The following MFSD2A variants were observed in gnomAD, a reference collection of about 807,000 sequenced individuals.
MFSD2A encodes the protein sodium-dependent lysophosphatidylcholine symporter 1.
In MFSD2A, 27 loss-of-function variants were observed where a neutral mutation model predicts 64.7. The ratio of observed to expected loss-of-function variants is 0.42; its 90% CI spans 0.31 to 0.58. The LOEUF is 0.58. Among genes scored for constraint, MFSD2A ranks in the 20% least tolerant of loss-of-function variants. The probability of loss-of-function intolerance (pLI) is 0.18; values close to 1 mark genes in which losing one functional copy is unlikely to be tolerated. For missense variants in MFSD2A, 474 were observed against 679.5 expected (o/e 0.70, Z 3.36); for synonymous variants, 258 against 273.4 (o/e 0.94, Z 0.55).
At chr1:39,957,022 C>A in intron 1 of MFSD2A, 65 bp from the exon 2 acceptor site, 5 of 1,565,082 alleles carry the variant, frequency 3.2e-6, no homozygotes, top group Non-Finnish European at 3.5e-6. Flanking sequence ...GATGGTCCTT[C>A]CTGTGGAACC....
chr1:39,966,105 T>C, intron 6 of MFSD2A, 91 bp downstream of exon 6: 1 of 1,441,352 alleles, frequency 6.9e-7, no homozygotes, highest in African/African-American at 1.4e-5. Flanking sequence ...CTAGTGTTTA[T>C]TAAATAAATG....
chr1:39,967,761 G>A (rs759219590), intron 10 of MFSD2A, 43 bp from the exon 11 acceptor site: 7 of 1,607,098 alleles, frequency 4.4e-6, no homozygotes, highest in Middle Eastern at 1.7e-4. Flanking sequence ...ATGTCTGGTG[G>A]GAACCTCCCA....
chr1:39,963,397 C>T lies in MFSD2A; in HGVS notation c.354-1814C>T. On this transcript the variant is annotated intron_variant, in intron 3 of 13. Coordinates refer to ENST00000372811, the MANE Select transcript of MFSD2A (RefSeq NM_032793.5). This position sits in a 1 kb window ranked among gnomAD's most constrained non-coding sequence, Gnocchi z 4.2. ...ACCCACCAGGCTCCAGCTGTGGCTA[C>T]AACATAGGGTTTTTATACAAGAGAA... is the stretch of plus-strand genomic sequence containing the variant. 1.5e-6 allele frequency: 1 copy of T among 656,750 alleles called. No homozygotes were observed. Among genetic ancestry groups the T allele is most frequent in the South Asian group, 1.8e-5 (1 of 54,658 alleles). The allele number at this position is 656,750 out of a possible 1,614,324, so 40.7% of individuals were successfully genotyped here. A position where few individuals can be genotyped will look rare whatever the true frequency, so the allele number is the denominator to read the frequency against.
chr1:39,963,048 G>A lies in MFSD2A; in HGVS notation c.354-2163G>A, dbSNP rs1023343614. On this transcript the variant is annotated intron_variant, in intron 3 of 13. Coordinates refer to ENST00000372811, the MANE Select transcript of MFSD2A (RefSeq NM_032793.5). This position sits in a 1 kb window ranked among gnomAD's most constrained non-coding sequence, Gnocchi z 4.2. ...GCTCTCCATTGTCCCCGTGCGCAGA[G>A]GCTACTGGGGGAACAAGATCAGCAA... The A allele has an allele frequency of 3.5e-6, 5 of 1,433,568 alleles. No homozygotes were observed. The highest frequency in any genetic ancestry group is 1.8e-5 in the Admixed American group (1 of 54,374). The allele number at this position is 1,433,568 out of a possible 1,614,324, so 88.8% of individuals were successfully genotyped here.
rs545213460 is a variant in MFSD2A at position 39,963,083 on chromosome 1, C to A, written c.354-2128C>A. ...GGAACAAGATCAGCAAGCCCCACAC[C>A]GTCCCTTGCAAGGTGACAGGCCGCT... On this transcript the variant is annotated intron_variant, in intron 3 of 13. Coordinates refer to ENST00000372811, the MANE Select transcript of MFSD2A (RefSeq NM_032793.5). The surrounding 1 kb of genome is among the most constrained non-coding windows in gnomAD (Gnocchi z 4.2). 12 of 1,377,640 alleles carry A rather than the reference C, an allele frequency of 8.7e-6. No individual in the cohort carries two copies. Among genetic ancestry groups the A allele is most frequent in the Non-Finnish European group, 1.2e-5 (12 of 996,204 alleles). The allele number at this position is 1,377,640 out of a possible 1,614,324, so 85.3% of individuals were successfully genotyped here.
rs1645192305 is a variant in MFSD2A at position 39,967,625 on chromosome 1, C to T, written c.1012-3C>T. 1 of 1,614,072 alleles carries T rather than the reference C, an allele frequency of 6.2e-7. No individual in the cohort carries two copies. Among genetic ancestry groups the T allele is most frequent in the South Asian group, 1.1e-5 (1 of 91,080 alleles). On this transcript the variant is annotated splice_polypyrimidine_tract_variant and splice_region_variant and intron_variant, in intron 9 of 13. Transcript: ENST00000372811. ...CCCTTTAACCCCCTTTGTCCATCCA[C>T]AGCTCTCGGCCACTTTAACCATTCC... is the stretch of plus-strand genomic sequence containing the variant.
chr1:39,967,438 G>T, intron 9 of MFSD2A, 190 bp from the exon 10 acceptor site: 1 of 636,658 alleles, frequency 1.6e-6, no homozygotes, highest in Non-Finnish European at 2.8e-6. Flanking sequence ...CAGCAGACAA[G>T]GTGGGCCTGG....
At chr1:39,956,622 G>GGCTA (rs1011920767) in intron 1 of MFSD2A, among the ~76,000 whole-genome samples, 2 of 152,086 alleles carry the variant, frequency 1.3e-5, no homozygotes, top group African/African-American at 4.8e-5. Flanking sequence ...GTGGCTTAGG[G>GGCTA]GCTACTTTCA....
At position 39,955,448 on chromosome 1, in the gene MFSD2A, G is replaced by A; in HGVS notation, c.93+63G>A. ...GGAGGAGGCGGAAATGGGGGATCAG[G>A]GGCGTCCCGGGGTCGGCCTGGTCAG... On this transcript the variant is annotated intron_variant, in intron 1 of 13. Coordinates refer to ENST00000372811, the MANE Select transcript of MFSD2A (RefSeq NM_032793.5). The surrounding 1 kb of genome is among the most constrained non-coding windows in gnomAD (Gnocchi z 5.9). The A allele has an allele frequency of 1.4e-6, 2 of 1,474,294 alleles. No individual in the cohort carries two copies. The highest frequency in any genetic ancestry group is 1.8e-6 in the Non-Finnish European group (2 of 1,091,700). 91.3% of individuals were successfully genotyped at this position (1,474,294 alleles called of 1,614,324 possible).
chr1:39,968,476 G>T lies in MFSD2A; in HGVS notation c.1351G>T (p.Asp451Tyr). The T allele has an allele frequency of 1.2e-6, 2 of 1,614,158 alleles. No individual in the cohort carries two copies. Among genetic ancestry groups the T allele is most frequent in the Non-Finnish European group, 8.5e-7 (1 of 1,180,014 alleles). ...VSLGISTLSL[D>Y]FAGYQTRGCS... is the part of the protein sequence containing the mutation. ...ACTGGGCATTTCTACCCTCAGTCTG[G>T]AGTGAGTGGGGTGGGGACCTGGGGC... The change falls in exon 12 of 14, where the codon GAC becomes TAC. Residue 451 changes from aspartate (D) to tyrosine (Y), a missense_variant and splice_region_variant. Transcript: ENST00000372811. This position sits in a 1 kb window ranked among gnomAD's most constrained non-coding sequence, Gnocchi z 4.4.
Position 39,955,641 on chromosome 1 carries a change from C to G in MFSD2A, c.93+256C>G. 2.9e-6 allele frequency: 2 copies of G among 678,318 alleles called. No individual in the cohort carries two copies. The highest frequency in any genetic ancestry group is 5.4e-6 in the Non-Finnish European group (2 of 369,994). The allele number at this position is 678,318 out of a possible 1,614,324, so 42.0% of individuals were successfully genotyped here. A position where few individuals can be genotyped will look rare whatever the true frequency, so the allele number is the denominator to read the frequency against. On this transcript the variant is annotated intron_variant, in intron 1 of 13. Coordinates refer to ENST00000372811, the MANE Select transcript of MFSD2A (RefSeq NM_032793.5). The surrounding 1 kb of genome is among the most constrained non-coding windows in gnomAD (Gnocchi z 5.9). The stretch of plus-strand genomic sequence containing the variant: ...TCTGCCGGCAGCCCCATGTGATTCC[C>G]CGCTCTGCCTAGCCGGTTTCCATTC...
chr1:39,963,443 TAA>T lies in MFSD2A; in HGVS notation c.354-1759_354-1758del. On this transcript the variant is annotated intron_variant, in intron 3 of 13. Coordinates refer to ENST00000372811, the MANE Select transcript of MFSD2A (RefSeq NM_032793.5). This position sits in a 1 kb window ranked among gnomAD's most constrained non-coding sequence, Gnocchi z 4.2. Reference sequence around the variant, plus strand: ...GAGAAGTAAAGTGAATTAAGCCTGTTAAAAAAAAAATGTTTACGAGACAGAGT... The same window carrying T: ...GAGAAGTAAAGTGAATTAAGCCTGTTAAAAAAAATGTTTACGAGACAGAGT... 4.0e-6 allele frequency: 2 copies of T among 500,156 alleles called. No individual in the cohort carries two copies. Among genetic ancestry groups the T allele is most frequent in the Non-Finnish European group, 7.1e-6 (2 of 280,270 alleles). 31.0% of individuals were successfully genotyped at this position (500,156 alleles called of 1,614,324 possible). A position where few individuals can be genotyped will look rare whatever the true frequency, so the allele number is the denominator to read the frequency against.
At chr1:39,962,877 C>A in intron 3 of MFSD2A, 1 of 1,570,720 alleles carries the variant, frequency 6.4e-7, no homozygotes, top group South Asian at 1.1e-5. Flanking sequence ...GAAGATTATG[C>A]CAGTGCAGAA....
rs1645078775 is a variant in MFSD2A, at chr1:39,963,011, C to G, written c.354-2200C>G. The stretch of plus-strand genomic sequence containing the variant: ...TGGCCACCGCCATCCGTGGGGCCAT[C>G]ATCCTGGCCAAGCTCTCCATTGTCC... On this transcript the variant is annotated intron_variant, in intron 3 of 13. Coordinates refer to ENST00000372811, the MANE Select transcript of MFSD2A (RefSeq NM_032793.5). The surrounding 1 kb of genome is among the most constrained non-coding windows in gnomAD (Gnocchi z 4.2). The G allele has an allele frequency of 4.0e-6, 6 of 1,481,886 alleles. No homozygotes were observed. Among genetic ancestry groups the G allele is most frequent in the Non-Finnish European group, 5.5e-6 (6 of 1,081,948 alleles). The allele number at this position is 1,481,886 out of a possible 1,614,324, so 91.8% of individuals were successfully genotyped here.
rs1156814754 is a variant in MFSD2A at position 39,969,746 on chromosome 1, C to T, written c.*178C>T. ...GGCCGGCTGCTCTGTGGCCTCCTGC[C>T]TCCCCTCTGCCTGCCTGTGGGGCCA... On this transcript the variant is annotated 3_prime_UTR_variant, in exon 14 of 14. Coordinates refer to ENST00000372811, the MANE Select transcript of MFSD2A (RefSeq NM_032793.5). 7 of 613,094 alleles carry T rather than the reference C, an allele frequency of 1.1e-5. 1 individual carries two copies. Among genetic ancestry groups the T allele is most frequent in the East Asian group, 6.5e-5 (2 of 30,866 alleles). 38.0% of individuals were successfully genotyped at this position (613,094 alleles called of 1,614,324 possible).
chr1:39,957,085 A>G lies in MFSD2A; in HGVS notation c.94-2A>G. The G allele has an allele frequency of 6.2e-7, 1 of 1,614,150 alleles. No homozygotes were observed. On this transcript the variant is annotated splice_acceptor_variant, in intron 1 of 13. Coordinates refer to ENST00000372811, the MANE Select transcript of MFSD2A (RefSeq NM_032793.5). LOFTEE classifies it high-confidence loss of function. ...CCTTTCATCTTTTCCTCCTCTTCCC[A>G]GAAAGAACCGAAAAAGAAGAAACAA... is the stretch of plus-strand genomic sequence containing the variant.
At position 39,968,386 on chromosome 1, in the gene MFSD2A, C is replaced by T. The variant is rs1294518275; in HGVS notation, c.1261C>T (p.His421Tyr). ...DDFHLKQPHF[H>Y]GTEPIFFSFY... Reference sequence around the variant, plus strand: ...CTTCCATCTGAAGCAGCCCCACTTCCATGGAACCGAGCCCATCTTCTTCTC... The same window carrying T: ...CTTCCATCTGAAGCAGCCCCACTTCTATGGAACCGAGCCCATCTTCTTCTC... Residue 421 changes from histidine to tyrosine, a missense_variant, in exon 12 of 14, where the codon CAT becomes TAT. Coordinates refer to ENST00000372811, the MANE Select transcript of MFSD2A (RefSeq NM_032793.5). The surrounding 1 kb of genome is among the most constrained non-coding windows in gnomAD (Gnocchi z 4.4). 1.2e-6 allele frequency: 2 copies of T among 1,614,094 alleles called. No individual in the cohort carries two copies. Among genetic ancestry groups the T allele is most frequent in the Non-Finnish European group, 1.7e-6 (2 of 1,180,042 alleles).
Position 39,967,109 on chromosome 1 carries a change from G to C in MFSD2A, c.951G>C (p.Leu317Phe). ...AFMLVEGNFV[L>F]FCTYTLGFRN... ...AGCTGGTGGAGGGGAACTTTGTCTT[G>C]TTTTGCACCTACACCTTGGGCTTCC... Residue 317 changes from leucine to phenylalanine, a missense_variant, in exon 9 of 14, where the codon TTG becomes TTC. Coordinates refer to ENST00000372811, the MANE Select transcript of MFSD2A (RefSeq NM_032793.5). 2 of 1,614,058 alleles carry C rather than the reference G, an allele frequency of 1.2e-6. No individual in the cohort carries two copies. Among genetic ancestry groups the C allele is most frequent in the Non-Finnish European group, 8.5e-7 (1 of 1,179,998 alleles).
At chr1:39,967,204 G>A (rs368501310) in intron 9 of MFSD2A, 35 bp downstream of exon 9, 63 of 1,579,366 alleles carry the variant, frequency 4.0e-5, no homozygotes, top group Admixed American at 8.4e-5. Context: ...GGCAGCCTGG[G>A]CTGAGGTGAC....
Sources: gnomAD v4.1 joint callset for allele counts (sites outside exome capture counted in the v4.1 genomes callset) on GRCh38, gnomAD v4.1.1 for gene constraint, Gnocchi (gnomAD v3.1) non-coding constraint, MANE v1.5 for transcripts, NCBI Gene and HGNC (gene_info 2026-07-23, HGNC 2026-07-21) for gene names.